Variants in SP100 observed in about 807,000 individuals in gnomAD.
The protein encoded by SP100 is SP100 nuclear body protein, also known as nuclear autoantigen Sp-100.
A neutral mutation model predicts 130.0 loss-of-function variants in SP100; 84 were observed. That is an observed-to-expected ratio of 0.65 (90% CI 0.54 to 0.77). The LOEUF (loss-of-function observed/expected upper bound fraction) is 0.77, where lower values mean the gene tolerates loss of function less well. Among genes scored for constraint, SP100 ranks in the 30% least tolerant of loss-of-function variants. The pLI is 0.00. For synonymous variants in SP100, 331 were observed against 351.7 expected (o/e 0.94, Z 0.66); for missense variants, 978 against 1,052.2 (o/e 0.93, Z 0.97).
In SP100 at chr2:230,486,495, G is replaced by A. The variant is rs555678560; in HGVS notation, c.1601-7921G>A. Among the ~76,000 whole-genome samples, 9 of 152,316 alleles carry A rather than the reference G, an allele frequency of 5.9e-5. No individual in the cohort carries two copies. In the South Asian group the frequency reaches 1.9e-3, roughly 32 times the overall value. On this transcript the variant is annotated intron_variant, in intron 17 of 28. Coordinates refer to ENST00000340126, the MANE Select transcript of SP100 (RefSeq NM_001080391.2). ...CCAGCTTCATCCATGTCCCTGCAAA[G>A]CACATGATCTCATTCCTTTTTATGG... is the stretch of plus-strand genomic sequence containing the variant.
intron 8 of SP100, among the ~76,000 whole-genome samples, chr2:230,457,348 G>T (rs1054287421): frequency 3.3e-5 from 5 of 152,246 alleles, no homozygotes; most frequent in Non-Finnish European, 5.9e-5. Context: ...CACTCGGTCT[G>T]GTCTGGATCA....
At chr2:230,540,818 A>G in intron 25 of SP100, 58 bp from the exon 26 acceptor site, 1 of 1,569,778 alleles carries the variant, frequency 6.4e-7, no homozygotes, top group Non-Finnish European at 8.7e-7. Flanking sequence ...GAACAACTGT[A>G]GGAATGGCGG....
At chr2:230,515,794 G>T in intron 24 of SP100, 1 of 1,462,678 alleles carries the variant, frequency 6.8e-7, no homozygotes, top group Non-Finnish European at 9.0e-7. Flanking sequence ...AACCACTACC[G>T]AATGTGTCTT....
chr2:230,416,694 C>CA, intron 1 of SP100: 12 of 996,628 alleles, frequency 1.2e-5, no homozygotes, highest in Non-Finnish European at 1.4e-5. Flanking sequence ...TATGTCATGT[C>CA]AAAAAAGGTG....
At chr2:230,495,982 TTAAA>T (rs1181547651) in intron 18 of SP100, among the ~76,000 whole-genome samples, 2 of 152,174 alleles carry the variant, frequency 1.3e-5, no homozygotes, top group African/African-American at 2.4e-5. Flanking sequence ...ATAAGTAACT[TTAAA>T]TATAACTCTA....
intron 21 of SP100, among the ~76,000 whole-genome samples, chr2:230,505,262 G>C (rs529481212): frequency 6.6e-6 from 1 of 152,256 alleles, no homozygotes; most frequent in South Asian, 2.1e-4. Flanking sequence ...CTTACCCTAT[G>C]TGAAAGGCCC....
intron 18 of SP100, among the ~76,000 whole-genome samples, chr2:230,498,169 T>C (rs954875023): frequency 2.6e-5 from 4 of 152,222 alleles, no homozygotes; most frequent in Non-Finnish European, 4.4e-5. Flanking sequence ...TCATTATTAT[T>C]ATTCTTACAG....
rs79790923 is a variant in SP100 at position 230,456,206 on chromosome 2, T to C, written c.821-5056T>C. Among the ~76,000 whole-genome samples, 1,216 of 152,314 alleles carry C rather than the reference T, an allele frequency of 8.0e-3. 44 individuals carry two copies. Among genetic ancestry groups the C allele is most frequent in the Admixed American group, 0.056 (854 of 15,306 alleles). ...TTCTTGGTTGTCAGGTTTCTTTTTC[T>C]TCCTTTGGCACTTTGAATGTTTCAT... On this transcript the variant is annotated intron_variant, in intron 8 of 28. Transcript: ENST00000340126.
chr2:230,437,824 G>A (rs1244740142), intron 2 of SP100, among the ~76,000 whole-genome samples: 2 of 152,074 alleles, frequency 1.3e-5, no homozygotes, highest in Admixed American at 1.3e-4. Context: ...CTAAAGCTCT[G>A]GGATTACAGG....
chr2:230,437,799 G>A (rs938858443), intron 2 of SP100, among the ~76,000 whole-genome samples: 3 of 151,878 alleles, frequency 2.0e-5, no homozygotes, highest in East Asian at 1.9e-4. Context: ...CTCGTGATCC[G>A]CCCGCCTCAG....
At chr2:230,526,969 G>A (rs570781804) in intron 24 of SP100, among the ~76,000 whole-genome samples, 17 of 152,238 alleles carry the variant, frequency 1.1e-4, no homozygotes, top group African/African-American at 4.1e-4. Context: ...TGAAAGTGAC[G>A]GGGAGAATGG....
At chr2:230,515,959 C>CT in intron 24 of SP100, 4 of 1,040,742 alleles carry the variant, frequency 3.8e-6, no homozygotes, top group Non-Finnish European at 4.6e-6. Context: ...CTTCAGTTGT[C>CT]TCTGATGTAG....
At chr2:230,517,423 G>A (rs1361645597) in intron 24 of SP100, among the ~76,000 whole-genome samples, 3 of 152,078 alleles carry the variant, frequency 2.0e-5, no homozygotes, top group Admixed American at 1.3e-4. Flanking sequence ...GTTTTCTTGA[G>A]TAATCAAAAA....
chr2:230,501,371 T>C (rs1443059331), intron 19 of SP100, among the ~76,000 whole-genome samples: 1 of 152,242 alleles, frequency 6.6e-6, no homozygotes, highest in Admixed American at 6.5e-5. Context: ...ATAAACTTCC[T>C]AAGGGCAACA....
At chr2:230,491,490 G>A (rs529182219) in intron 17 of SP100, among the ~76,000 whole-genome samples, 1 of 152,344 alleles carries the variant, frequency 6.6e-6, no homozygotes, top group South Asian at 2.1e-4. Flanking sequence ...GACACATCTT[G>A]GGACCAAGCC....
intron 18 of SP100, among the ~76,000 whole-genome samples, chr2:230,495,151 C>T (rs1299966995): frequency 6.6e-6 from 1 of 152,050 alleles, no homozygotes; most frequent in Non-Finnish European, 1.5e-5. Context: ...GACATGCCAG[C>T]CTTGATTAGG....
chr2:230,460,578 T>G (rs2064538053), intron 8 of SP100, among the ~76,000 whole-genome samples: 1 of 150,386 alleles, frequency 6.6e-6, no homozygotes, highest in African/African-American at 2.4e-5. Context: ...GTCTGGGGTA[T>G]TGGTAATCTG....
intron 10 of SP100, chr2:230,463,505 A>G (rs536580658): frequency 5.2e-5 from 8 of 152,440 alleles, no homozygotes; most frequent in Admixed American, 5.2e-4. Context: ...TAAAATAACA[A>G]TGTAATAATA....
At chr2:230,416,565 T>C (rs534525678) in intron 1 of SP100, among the ~76,000 whole-genome samples, 3 of 152,218 alleles carry the variant, frequency 2.0e-5, no homozygotes, top group African/African-American at 7.2e-5. Flanking sequence ...TTTCTTGTTT[T>C]GGATTTACTG....
Sources: gnomAD v4.1 joint callset for allele counts (sites outside exome capture counted in the v4.1 genomes callset) on GRCh38, gnomAD v4.1.1 for gene constraint, MANE v1.5 for transcripts, NCBI Gene and HGNC (gene_info 2026-07-23, HGNC 2026-07-21) for gene names.